RASAL2: variants seen among roughly 807,000 people sequenced by gnomAD.
RASAL2 encodes the protein ras GTPase-activating protein nGAP.
A neutral mutation model predicts 128.9 loss-of-function variants in RASAL2; 58 were observed. That is an observed-to-expected ratio of 0.45 (90% CI 0.36 to 0.56). The LOEUF (loss-of-function observed/expected upper bound fraction) is 0.56, where lower values mean the gene tolerates loss of function less well. Ranked by LOEUF, RASAL2 falls within the 20% of genes least tolerant of loss-of-function variation. The pLI is 0.00. For missense variants in RASAL2, 1,360 were observed against 1,601.6 expected, an observed-to-expected ratio of 0.85 and a Z score of 2.57; for synonymous variants, 561 against 580.8, an observed-to-expected ratio of 0.97 and a Z score of 0.49.
At position 178,457,815 on chromosome 1, in the gene RASAL2, C is replaced by G; in HGVS notation, c.2523C>G (p.Ser841Arg). 6.2e-7 allele frequency: 1 copy of G among 1,614,220 alleles called. No homozygotes were observed. Among genetic ancestry groups the G allele is most frequent in the Non-Finnish European group, 8.5e-7 (1 of 1,180,032 alleles). ...TYSEKDERESSLPNGRSVSLM... is the reference protein window; with the variant it reads ...TYSEKDERESRLPNGRSVSLM... ...CTGAAAAGGATGAAAGGGAAAGTAG[C>G]CTTCCTAATGGTCGGAGCGTCTCCC... is the stretch of plus-strand genomic sequence containing the variant. The change falls in exon 14 of 18, where the codon AGC becomes AGG. Residue 841 changes from serine to arginine, a missense_variant. By Grantham distance (110) the Ser-to-Arg change is moderately radical. Coordinates refer to ENST00000367649, the MANE Select transcript of RASAL2 (RefSeq NM_170692.4).
At chr1:178,410,224 T>A (rs1353325038) in intron 4 of RASAL2, among the ~76,000 whole-genome samples, 1 of 151,564 alleles carries the variant, frequency 6.6e-6, no homozygotes, top group Non-Finnish European at 1.5e-5. Flanking sequence ...AGGGAGGAAA[T>A]CAGAGAAAAA....
chr1:178,395,793 T>TATA (rs879578177), intron 4 of RASAL2, among the ~76,000 whole-genome samples: 1,489 of 124,506 alleles, frequency 0.012, 75 homozygotes, highest in African/African-American at 0.048. Flanking sequence ...ATATATATAT[T>TATA]TATTTATTCA....
chr1:178,126,463 G>A (rs1659903862), intron 1 of RASAL2, among the ~76,000 whole-genome samples: 1 of 152,152 alleles, frequency 6.6e-6, no homozygotes, highest in African/African-American at 2.4e-5. Context: ...TTGAACATCT[G>A]GGATGGGCTG....
rs887773335 is a variant in RASAL2 at position 178,475,134 on chromosome 1, A to G, written c.*1895A>G. The G allele has an allele frequency of 6.6e-6, 1 of 152,184 alleles. No homozygotes were observed. The highest frequency in any genetic ancestry group is 2.4e-5 in the African/African-American group (1 of 41,428). The allele number at this position is 152,184 out of a possible 1,614,324, so 9.4% of individuals were successfully genotyped here. On this transcript the variant is annotated 3_prime_UTR_variant, in exon 18 of 18. Transcript: ENST00000367649. ...GACCTTACGTTTCAGCAACCTCACC[A>G]TGGCCACATAACCCACAACCTTTTA...
chr1:178,197,215 TG>T (rs1020633073), intron 1 of RASAL2, among the ~76,000 whole-genome samples: 4 of 151,744 alleles, frequency 2.6e-5, no homozygotes, highest in Admixed American at 2.0e-4. Flanking sequence ...CCCAAAACTT[TG>T]GGGGGCCGAG....
intron 1 of RASAL2, among the ~76,000 whole-genome samples, chr1:178,250,124 C>G (rs1404022723): frequency 6.6e-6 from 1 of 152,202 alleles, no homozygotes; most frequent in Non-Finnish European, 1.5e-5. Context: ...TCCCCTTGCT[C>G]TCTTCAGAGC....
intron 1 of RASAL2, among the ~76,000 whole-genome samples, chr1:178,193,785 T>TG (rs1662569351): frequency 6.1e-5 from 1 of 16,400 alleles, no homozygotes; most frequent in Non-Finnish European, 6.4e-4. Context: ...AGAATTTTTT[T>TG]TGGTGAATAT....
chr1:178,300,526 T>A (rs1667720221), intron 3 of RASAL2, among the ~76,000 whole-genome samples: 1 of 152,196 alleles, frequency 6.6e-6, no homozygotes, highest in African/African-American at 2.4e-5. Flanking sequence ...TGGTGTTGTC[T>A]TATATGATGT....
intron 2 of RASAL2, among the ~76,000 whole-genome samples, chr1:178,289,354 A>G (rs771048101): frequency 2.6e-4 from 40 of 152,150 alleles, no homozygotes; most frequent in Non-Finnish European, 4.9e-4. Context: ...CTTCTCTTCA[A>G]ATCTTAACAT....
At chr1:178,447,223 A>G (rs12022731) in intron 9 of RASAL2, among the ~76,000 whole-genome samples, 15,896 of 151,558 alleles carry the variant, frequency 0.1, 885 homozygotes, top group Middle Eastern at 0.15. Flanking sequence ...TCAGGAGGCC[A>G]AGGTAAGAGA....
intron 1 of RASAL2, among the ~76,000 whole-genome samples, chr1:178,207,619 G>A (rs1663100860): frequency 6.6e-6 from 1 of 152,060 alleles, no homozygotes; most frequent in Non-Finnish European, 1.5e-5. Flanking sequence ...ATTGAGTGAT[G>A]GGATTTTGGA....
At chr1:178,415,610 C>T (rs1674701051) in intron 4 of RASAL2, among the ~76,000 whole-genome samples, 1 of 152,048 alleles carries the variant, frequency 6.6e-6, no homozygotes, top group Admixed American at 6.6e-5. Context: ...TGGAGTTCAA[C>T]TATGTCCTCA....
chr1:178,207,852 A>T (rs1312606462), intron 1 of RASAL2, among the ~76,000 whole-genome samples: 3 of 152,158 alleles, frequency 2.0e-5, no homozygotes, highest in Non-Finnish European at 2.9e-5. Context: ...ACACAGTTCC[A>T]CTATAGCATC....
chr1:178,157,733 G>C (rs755677874), intron 1 of RASAL2, among the ~76,000 whole-genome samples: 1 of 152,062 alleles, frequency 6.6e-6, no homozygotes. Context: ...TTAGACTTGC[G>C]TACATTCACC....
chr1:178,375,621 T>G (rs1447289354), intron 3 of RASAL2, among the ~76,000 whole-genome samples: 5 of 152,126 alleles, frequency 3.3e-5, no homozygotes, highest in African/African-American at 1.2e-4. Context: ...CGTGGAATAC[T>G]CCTTGTGCAG....
intron 3 of RASAL2, among the ~76,000 whole-genome samples, chr1:178,325,596 T>G (rs1050000988): frequency 6.6e-6 from 1 of 152,176 alleles, no homozygotes; most frequent in Non-Finnish European, 1.5e-5. Context: ...TCATTAGCAG[T>G]GCATATAACA....
intron 4 of RASAL2, among the ~76,000 whole-genome samples, chr1:178,391,245 G>C (rs993955841): frequency 1.3e-5 from 2 of 152,080 alleles, no homozygotes; most frequent in Admixed American, 6.5e-5. Context: ...TGCAGAAATT[G>C]ACATTGATAA....
chr1:178,399,155 T>G (rs1011216952), intron 4 of RASAL2, among the ~76,000 whole-genome samples: 7 of 152,178 alleles, frequency 4.6e-5, no homozygotes, highest in Non-Finnish European at 1.0e-4. Context: ...ACTTCCCCAC[T>G]CCCTGATCTC....
intron 1 of RASAL2, among the ~76,000 whole-genome samples, chr1:178,161,892 T>C (rs1276563286): frequency 2.0e-5 from 3 of 152,126 alleles, no homozygotes; most frequent in Non-Finnish European, 4.4e-5. Context: ...AAGAAATGTC[T>C]ATTCAGATTC....
Sources: allele counts gnomAD v4.1 joint callset (sites outside exome capture counted in the v4.1 genomes callset), GRCh38; gene constraint gnomAD v4.1.1; transcripts MANE v1.5; gene names NCBI Gene and HGNC (gene_info 2026-07-23, HGNC 2026-07-21).